CXorf65: variants seen among roughly 807,000 people sequenced by gnomAD.
The protein encoded by CXorf65 is chromosome X open reading frame 65.
For synonymous variants in CXorf65, 54 were observed against 51.4 expected, an observed-to-expected ratio of 1.05 and a Z score of -0.21; for missense variants, 137 against 144.7, an observed-to-expected ratio of 0.95 and a Z score of 0.27.
chrX:71,105,716 GTTGAGGGTGTTCTGTTGT>G (rs1192116150), intron 3 of CXorf65, among the ~76,000 whole-genome samples: 1 of 111,175 alleles, frequency 9.0e-6, no homozygotes, highest in Non-Finnish European at 1.9e-5. Flanking sequence ...TTTGGATCTG[GTTGAGGGTGTTCTGTTGT>G]TTGAGGGTGT....
At chrX:71,105,087 C>CA (rs1358354269) in intron 3 of CXorf65, among the ~76,000 whole-genome samples, 25 of 109,584 alleles carry the variant, frequency 2.3e-4, no homozygotes, top group African/African-American at 8.0e-4. Flanking sequence ...TACAAACAAA[C>CA]AAAAAAAATT....
At position 71,104,847 on chromosome X, in the gene CXorf65, T is replaced by C. The variant is rs1414089713; in HGVS notation, c.251-10A>G. 11 of 1,204,066 alleles carry C rather than the reference T, an allele frequency of 9.1e-6. No homozygotes were observed. The highest frequency in any genetic ancestry group is 2.3e-4 in the Middle Eastern group (1 of 4,326). The stretch of plus-strand genomic sequence containing the variant: ...TTCTCCAGCCTGGTTCCTGTGAACA[T>C]AGCCATGTGCTATCTCCAGCCCCTG... On this transcript the variant is annotated splice_polypyrimidine_tract_variant and intron_variant, in intron 3 of 5. Coordinates refer to ENST00000374251, the MANE Select transcript of CXorf65 (RefSeq NM_001025265.3).
At chrX:71,104,962 C>G (rs2092243055) in intron 3 of CXorf65, 125 bp from the exon 4 acceptor site, 1 of 610,521 alleles carries the variant, frequency 1.6e-6, no homozygotes, top group African/African-American at 2.2e-5. Context: ...GCCTGTAATC[C>G]CAGCATTTTG....
At position 71,103,926 on chromosome X, in the gene CXorf65, A is replaced by G; in HGVS notation, c.*61T>C. 1.8e-6 allele frequency: 2 copies of G among 1,141,208 alleles called. No homozygotes were observed. Among genetic ancestry groups the G allele is most frequent in the Non-Finnish European group, 2.4e-6 (2 of 833,703 alleles). 94.0% of individuals were successfully genotyped at this position (1,141,208 alleles called of 1,213,427 possible). On this transcript the variant is annotated 3_prime_UTR_variant, in exon 6 of 6. Coordinates refer to ENST00000374251, the MANE Select transcript of CXorf65 (RefSeq NM_001025265.3). ...CTCAAGCCTTAGTGCAGATATTGGG[A>G]GAAGGAGTCTTTCTAGAAAAAGAAA...
Position 71,106,313 on chromosome X carries a change from C to T in CXorf65, c.112+27G>A. 3 of 1,165,436 alleles carry T rather than the reference C, an allele frequency of 2.6e-6. No homozygotes were observed. The South Asian group carries it at 5.4e-5, about 21-fold the overall frequency. ...GACCCAACTCCTTCTGACCTTTGGC[C>T]ATTAGTCCCCTCCCTAAGCTCCTCA... On this transcript the variant is annotated intron_variant, in intron 2 of 5. Transcript: ENST00000374251.
intron 3 of CXorf65, 59 bp downstream of exon 3, chrX:71,105,941 G>T (rs1035102358): frequency 1.6e-5 from 18 of 1,137,909 alleles, no homozygotes; most frequent in South Asian, 3.9e-5. Context: ...TAAAGATAAG[G>T]TTCATAATCT....
In CXorf65 at chrX:71,105,058, AC is replaced by A. The variant is rs757115127; in HGVS notation, c.251-222del. On this transcript the variant is annotated intron_variant, in intron 3 of 5. Transcript: ENST00000374251. ...AGACTAGCCTGGCCAATTTGGTGAAACCCCATCTCTACCAAAAATACAAACA... is the reference window on the plus strand; with the variant it reads ...AGACTAGCCTGGCCAATTTGGTGAAACCCATCTCTACCAAAAATACAAACA... 3.7e-5 allele frequency among the ~76,000 whole-genome samples: 4 copies of A among 109,508 alleles called. No individual in the cohort carries two copies. In the East Asian group the frequency reaches 1.2e-3, roughly 32 times the overall value.
chrX:71,103,924 G>A lies in CXorf65; in HGVS notation c.*63C>T. On this transcript the variant is annotated 3_prime_UTR_variant, in exon 6 of 6. Coordinates refer to ENST00000374251, the MANE Select transcript of CXorf65 (RefSeq NM_001025265.3). ...TACTCAAGCCTTAGTGCAGATATTG[G>A]GAGAAGGAGTCTTTCTAGAAAAAGA... 2 of 1,136,972 alleles carry A rather than the reference G, an allele frequency of 1.8e-6. No homozygotes were observed. The highest frequency in any genetic ancestry group is 2.4e-6 in the Non-Finnish European group (2 of 830,120). 93.7% of individuals were successfully genotyped at this position (1,136,972 alleles called of 1,213,427 possible). A position where few individuals can be genotyped will look rare whatever the true frequency, so the allele number is the denominator to read the frequency against.
At chrX:71,104,704 A>G in intron 4 of CXorf65, 65 bp downstream of exon 4, 1 of 1,049,815 alleles carries the variant, frequency 9.5e-7, no homozygotes, top group Non-Finnish European at 1.3e-6. Flanking sequence ...CCCACCCTAC[A>G]TTCTCCATCA....
chrX:71,104,122 GA>G lies in CXorf65; in HGVS notation c.427-11del. 1 of 1,208,150 alleles carries G rather than the reference GA, an allele frequency of 8.3e-7. No homozygotes were observed. The highest frequency in any genetic ancestry group is 1.1e-6 in the Non-Finnish European group (1 of 894,023). Reference sequence around the variant, plus strand: ...GTCCTGATTGCTTGGACTAGAAAAAGAAAGTAAGTAAACAAAGAGGCCCCTG... The same window carrying G: ...GTCCTGATTGCTTGGACTAGAAAAAGAAGTAAGTAAACAAAGAGGCCCCTG... On this transcript the variant is annotated splice_polypyrimidine_tract_variant and intron_variant, in intron 5 of 5. Transcript: ENST00000374251.
In CXorf65 at chrX:71,104,373, C is replaced by T. The variant is rs750253276; in HGVS notation, c.351G>A (p.Glu117=). The change falls in exon 5 of 6, where the codon GAG becomes GAA. Residue 117 remains glutamate (E), a synonymous_variant. Coordinates refer to ENST00000374251, the MANE Select transcript of CXorf65 (RefSeq NM_001025265.3). ...TTTTAAGCATCTGAATTCGTCTCCT[C>T]TCCAGGGCATCACATTGTATGCGCA... ...VALRIQCDAL[E]RRRIQMLKMK... 1.0e-5 allele frequency: 12 copies of T among 1,203,425 alleles called. No homozygotes were observed. In the East Asian group the frequency reaches 3.6e-4, roughly 36 times the overall value.
At chrX:71,104,933 G>T (rs989981029) in intron 3 of CXorf65, 96 bp from the exon 4 acceptor site, 6 of 807,744 alleles carry the variant, frequency 7.4e-6, no homozygotes, top group Non-Finnish European at 9.1e-6. Context: ...AAGACTACCC[G>T]CCAGATGCGG....
At position 71,104,298 on chromosome X, in the gene CXorf65, C is replaced by A. The variant is rs1055386186; in HGVS notation, c.426G>T (p.Pro142=). The change falls in exon 5 of 6, where the codon CCG becomes CCT. Residue 142 remains proline (P), a splice_region_variant and synonymous_variant. Coordinates refer to ENST00000374251, the MANE Select transcript of CXorf65 (RefSeq NM_001025265.3). ...VVIIEPPASV[P]SKQSGRSDKK... ...GCAGATCACATTTGGCAAGTCTTAC[C>A]GGGACACTCGCAGGGGGTTCAATTA... 2.5e-6 allele frequency: 3 copies of A among 1,194,813 alleles called. No homozygotes were observed. In the African/African-American group the frequency reaches 5.2e-5, roughly 21 times the overall value.
chrX:71,104,448 C>A (rs2092241322), intron 4 of CXorf65, 44 bp from the exon 5 acceptor site: 1 of 872,382 alleles, frequency 1.1e-6, no homozygotes, highest in Non-Finnish European at 1.6e-6. Flanking sequence ...GAACTAGAGA[C>A]CTTACCCTTC....
At chrX:71,105,898 G>T in intron 3 of CXorf65, 102 bp downstream of exon 3, 1 of 899,891 alleles carries the variant, frequency 1.1e-6, no homozygotes. Flanking sequence ...TTACAAGCAT[G>T]AGCCACTATG....
Position 71,106,430 on chromosome X carries a change from A to G in CXorf65, c.26-4T>C. On this transcript the variant is annotated splice_region_variant and splice_polypyrimidine_tract_variant and intron_variant, in intron 1 of 5. Transcript: ENST00000374251. Reference sequence around the variant, plus strand: ...TTGACCAGAAACTGCTGATTATCTGAGAAGAGATAGGATGGGACACATGGG... The same window carrying G: ...TTGACCAGAAACTGCTGATTATCTGGGAAGAGATAGGATGGGACACATGGG... 1.2e-5 allele frequency: 15 copies of G among 1,205,384 alleles called. No homozygotes were observed. Among genetic ancestry groups the G allele is most frequent in the Non-Finnish European group, 1.6e-5 (14 of 889,790 alleles).
At chrX:71,105,288 G>A (rs1328067538) in intron 3 of CXorf65, among the ~76,000 whole-genome samples, 3 of 106,003 alleles carry the variant, frequency 2.8e-5, no homozygotes, top group South Asian at 4.1e-4. Flanking sequence ...CTACCTTGCC[G>A]GGCACAGTGG....
Position 71,104,891 on chromosome X carries a change from TCAG to T in CXorf65, c.251-57_251-55del, listed in dbSNP as rs766952833. The stretch of plus-strand genomic sequence containing the variant: ...GCCCCTGTCATCCAGTCTCCACCCT[TCAG>T]AAGTCCAAGATTCCAGGACCTAACA... On this transcript the variant is annotated intron_variant, in intron 3 of 5. Coordinates refer to ENST00000374251, the MANE Select transcript of CXorf65 (RefSeq NM_001025265.3). 22 of 1,092,776 alleles carry T rather than the reference TCAG, an allele frequency of 2.0e-5. No individual in the cohort carries two copies. In the East Asian group the frequency reaches 6.4e-4, roughly 32 times the overall value. 90.1% of individuals were successfully genotyped at this position (1,092,776 alleles called of 1,213,427 possible).
chrX:71,104,078 G>C lies in CXorf65; in HGVS notation c.461C>G (p.Ser154Cys). The change falls in exon 6 of 6, where the codon TCC (serine) becomes TGC (cysteine). Residue 154 changes from serine to cysteine, a missense_variant. Ser to Cys is a moderately radical substitution (Grantham distance 112, BLOSUM62 -1). Coordinates refer to ENST00000374251, the MANE Select transcript of CXorf65 (RefSeq NM_001025265.3). ...KQSGRSDKKK[S>C]TRKSPTFRNR... ...CCTAAAGGTCGGAGACTTGCGAGTG[G>C]ACTTCTTTTTGTCTGATCGTCCTGA... The C allele has an allele frequency of 8.3e-7, 1 of 1,210,225 alleles. No homozygotes were observed.
Sources: allele counts gnomAD v4.1 joint callset (sites outside exome capture counted in the v4.1 genomes callset), GRCh38; gene constraint gnomAD v4.1.1; transcripts MANE v1.5; gene names NCBI Gene and HGNC (gene_info 2026-07-23, HGNC 2026-07-21).